Variants in RSBN1L observed in about 807,000 individuals in gnomAD.
RSBN1L encodes the protein lysine-specific demethylase RSBN1L.
A neutral mutation model predicts 67.7 loss-of-function variants in RSBN1L; 30 were observed. That is an observed-to-expected ratio of 0.44 (90% confidence interval 0.33 to 0.60). The LOEUF is 0.60. RSBN1L is among the 20% of genes least tolerant of loss of function. The probability of loss-of-function intolerance (pLI) is 0.02; values close to 1 mark genes in which losing one functional copy is unlikely to be tolerated. For missense variants in RSBN1L, 992 were observed against 1,031.7 expected (o/e 0.96, Z 0.53); for synonymous variants, 433 against 387.0 (o/e 1.12, Z -1.39).
At chr7:77,699,166 T>C (rs955414797) in intron 1 of RSBN1L, among the ~76,000 whole-genome samples, 5 of 152,220 alleles carry the variant, frequency 3.3e-5, no homozygotes, top group Non-Finnish European at 7.3e-5. Context: ...TACCTCTTTT[T>C]AGTGTTGCCC....
At position 77,780,181 on chromosome 7, in the gene RSBN1L, G is replaced by C. The variant is rs1026117111; in HGVS notation, c.*1013G>C. 1 of 151,850 alleles carries C rather than the reference G, an allele frequency of 6.6e-6. No homozygotes were observed. 9.4% of individuals were successfully genotyped at this position (151,850 alleles called of 1,614,324 possible). A position where few individuals can be genotyped will look rare whatever the true frequency, so the allele number is the denominator to read the frequency against. On this transcript the variant is annotated 3_prime_UTR_variant, in exon 8 of 8. Transcript: ENST00000334955. ...CTCAGTTAAGAAAGTGTGCATCTGC[G>C]TGTGTGTGAATGTGTATATATATGT...
chr7:77,755,834 G>GT (rs1347448667), intron 3 of RSBN1L, among the ~76,000 whole-genome samples: 1 of 152,190 alleles, frequency 6.6e-6, no homozygotes, highest in African/African-American at 2.4e-5. Context: ...AACCTTCTGA[G>GT]TTGGGGACCA....
intron 3 of RSBN1L, among the ~76,000 whole-genome samples, chr7:77,753,455 T>G (rs1038935098): frequency 2.0e-5 from 3 of 152,230 alleles, no homozygotes; most frequent in Admixed American, 1.3e-4. Context: ...CTCTGTCAAT[T>G]TCTTATTTGC....
chr7:77,714,490 A>G (rs920871244), intron 1 of RSBN1L, among the ~76,000 whole-genome samples: 8 of 152,144 alleles, frequency 5.3e-5, no homozygotes, highest in Non-Finnish European at 8.8e-5. Flanking sequence ...TTCACTTGTT[A>G]TATTACTTTT....
At chr7:77,702,021 T>C (rs1790825331) in intron 1 of RSBN1L, among the ~76,000 whole-genome samples, 1 of 151,508 alleles carries the variant, frequency 6.6e-6, no homozygotes, top group African/African-American at 2.4e-5. Flanking sequence ...CAGGCTGGAG[T>C]GCAATGCAGT....
intron 3 of RSBN1L, among the ~76,000 whole-genome samples, chr7:77,763,660 C>T (rs532763960): frequency 2.0e-5 from 3 of 152,288 alleles, no homozygotes; most frequent in Admixed American, 2.0e-4. Flanking sequence ...AGACAATGAG[C>T]ATACAATGGG....
chr7:77,715,110 A>C (rs986617738), intron 1 of RSBN1L, among the ~76,000 whole-genome samples: 4 of 152,054 alleles, frequency 2.6e-5, no homozygotes, highest in Non-Finnish European at 5.9e-5. Context: ...TATCTCTACT[A>C]AAAATACAAA....
chr7:77,762,045 A>G (rs972792527), intron 3 of RSBN1L, among the ~76,000 whole-genome samples: 2 of 152,164 alleles, frequency 1.3e-5, no homozygotes, highest in Non-Finnish European at 2.9e-5. Flanking sequence ...TGGTTTTATT[A>G]GTGGGCAAAT....
intron 6 of RSBN1L, among the ~76,000 whole-genome samples, chr7:77,776,526 G>T (rs550394107): frequency 3.3e-5 from 5 of 152,148 alleles, no homozygotes; most frequent in Non-Finnish European, 7.3e-5. Context: ...ATCAAATAAC[G>T]TGGTCTTTTG....
intron 3 of RSBN1L, among the ~76,000 whole-genome samples, chr7:77,753,017 T>C (rs115936663): frequency 0.011 from 1,692 of 152,312 alleles, 30 homozygotes; most frequent in African/African-American, 0.038. Context: ...AGTATACCAG[T>C]GTTAATATAC....
intron 1 of RSBN1L, among the ~76,000 whole-genome samples, chr7:77,716,875 C>A (rs1791056188): frequency 6.6e-6 from 1 of 151,906 alleles, no homozygotes. Context: ...AGGTGATCTG[C>A]TTGCCTTGGC....
At chr7:77,746,126 A>C (rs1297692224) in intron 2 of RSBN1L, among the ~76,000 whole-genome samples, 1 of 152,152 alleles carries the variant, frequency 6.6e-6, no homozygotes, top group Non-Finnish European at 1.5e-5. Context: ...TGCCTGCATT[A>C]AAGGATAGTG....
chr7:77,764,290 G>A (rs887012326), intron 3 of RSBN1L, among the ~76,000 whole-genome samples: 3 of 152,188 alleles, frequency 2.0e-5, no homozygotes, highest in African/African-American at 7.2e-5. Flanking sequence ...AAAACGAGTT[G>A]TTTCGCTTGA....
At chr7:77,744,850 T>A (rs1791460509) in intron 2 of RSBN1L, among the ~76,000 whole-genome samples, 2 of 152,256 alleles carry the variant, frequency 1.3e-5, no homozygotes, top group Admixed American at 1.3e-4. Flanking sequence ...AATTATCACG[T>A]CTGTGAATTT....
At chr7:77,725,872 C>T (rs1791196753) in intron 1 of RSBN1L, among the ~76,000 whole-genome samples, 1 of 152,142 alleles carries the variant, frequency 6.6e-6, no homozygotes, top group Non-Finnish European at 1.5e-5. Context: ...GCAAGAGCCA[C>T]TGCGCCTGGC....
At chr7:77,698,480 C>T (rs1296594308) in intron 1 of RSBN1L, among the ~76,000 whole-genome samples, 1 of 152,092 alleles carries the variant, frequency 6.6e-6, no homozygotes, top group African/African-American at 2.4e-5. Context: ...GCTGTAAGTT[C>T]TCTGAAAGAG....
chr7:77,729,004 A>G (rs1380081976), intron 1 of RSBN1L, among the ~76,000 whole-genome samples: 1 of 152,090 alleles, frequency 6.6e-6, no homozygotes, highest in Non-Finnish European at 1.5e-5. Flanking sequence ...TGATGATGCC[A>G]CTGTCCTTAT....
chr7:77,746,699 C>T (rs982844591), intron 2 of RSBN1L, among the ~76,000 whole-genome samples: 5 of 152,072 alleles, frequency 3.3e-5, no homozygotes, highest in Non-Finnish European at 5.9e-5. Context: ...CACCTATGAG[C>T]GTATAAAATA....
chr7:77,736,820 A>G (rs1791343624), intron 2 of RSBN1L, among the ~76,000 whole-genome samples: 1 of 152,192 alleles, frequency 6.6e-6, no homozygotes, highest in South Asian at 2.1e-4. Context: ...TCTTACTCAT[A>G]TTTAGATAAT....
Sources: allele counts gnomAD v4.1 joint callset (sites outside exome capture counted in the v4.1 genomes callset), GRCh38; gene constraint gnomAD v4.1.1; transcripts MANE v1.5; gene names NCBI Gene and HGNC (gene_info 2026-07-23, HGNC 2026-07-21).